The following ENTPD5 variants were observed in gnomAD, a reference collection of about 807,000 sequenced individuals.
ENTPD5 encodes the protein ectonucleoside triphosphate diphosphohydrolase 5 (inactive).
A neutral mutation model predicts 60.2 loss-of-function variants in ENTPD5; 49 were observed. The observed-to-expected ratio is 0.81, with a 90% CI of 0.65 to 1.03. ENTPD5 has a LOEUF of 1.03. ENTPD5 is among the 50% of genes least tolerant of loss of function. The pLI is 0.00. For missense variants in ENTPD5, 480 were observed against 507.6 expected (o/e 0.95, Z 0.52); for synonymous variants, 187 against 185.4 (o/e 1.01, Z -0.07).
chr14:74,001,755 T>G (rs572087927), intron 3 of ENTPD5, among the ~76,000 whole-genome samples: 2 of 148,066 alleles, frequency 1.4e-5, no homozygotes, highest in South Asian at 4.3e-4. Flanking sequence ...GGCTGAGGTA[T>G]GAGGATCATT....
rs781204013 is a variant in ENTPD5 at position 73,972,923 on chromosome 14, A to G, written c.988T>C (p.Ser330Pro). The change falls in exon 13 of 16, where the codon TCT becomes CCT. Residue 330 changes from serine to proline, a missense_variant. Physicochemically the swap from Ser to Pro is moderately conservative, Grantham distance 74. Transcript: ENST00000334696. ...EVQRGSFYAF[S>P]YYYDRAVDTD... ...TCAACAGCTCGGTCATAATAGTAAG[A>G]GAAAGCATAGAAGGAACCTCTCTGG... 6.2e-7 allele frequency: 1 copy of G among 1,614,236 alleles called. No homozygotes were observed. Among genetic ancestry groups the G allele is most frequent in the South Asian group, 1.1e-5 (1 of 91,088 alleles).
chr14:73,960,459 C>T (rs2056664477), downstream of ENTPD5: 2 of 991,542 alleles, frequency 2.0e-6, no homozygotes, highest in Non-Finnish European at 2.4e-6. Flanking sequence ...GACTCCACTG[C>T]TCTGTAGTAG....
At chr14:73,974,237 T>C (rs1424760335) in intron 11 of ENTPD5, among the ~76,000 whole-genome samples, 1 of 152,168 alleles carries the variant, frequency 6.6e-6, no homozygotes, top group Non-Finnish European at 1.5e-5. Context: ...GTCCATGGCT[T>C]TCATCACATC....
At chr14:73,993,951 CAG>C (rs1187848323) in intron 3 of ENTPD5, among the ~76,000 whole-genome samples, 2 of 151,216 alleles carry the variant, frequency 1.3e-5, no homozygotes, top group Non-Finnish European at 1.5e-5. Context: ...AAAAACCCTG[CAG>C]AGTCATACTA....
At chr14:73,967,739 G>A (rs1284839423) in intron 15 of ENTPD5, among the ~76,000 whole-genome samples, 2 of 147,076 alleles carry the variant, frequency 1.4e-5, no homozygotes, top group African/African-American at 5.0e-5. Flanking sequence ...GGCAGAGGTT[G>A]CAGTGAACTG....
chr14:74,016,975 C>G (rs149955937), intron 1 of ENTPD5, among the ~76,000 whole-genome samples: 3 of 152,272 alleles, frequency 2.0e-5, no homozygotes, highest in African/African-American at 7.2e-5. Context: ...ATGGCGATTC[C>G]GCCTATGGAC....
chr14:73,988,332 G>A (rs1335957916), intron 3 of ENTPD5, among the ~76,000 whole-genome samples, 160 bp from the exon 4 acceptor site: 3 of 152,144 alleles, frequency 2.0e-5, no homozygotes, highest in African/African-American at 4.8e-5. Flanking sequence ...CACCTTTTCC[G>A]AAGGGTATCT....
chr14:74,013,391 G>A (rs1291046530), intron 2 of ENTPD5, among the ~76,000 whole-genome samples: 1 of 152,154 alleles, frequency 6.6e-6, no homozygotes, highest in Non-Finnish European at 1.5e-5. Context: ...GCCAAGCTTA[G>A]TCAAAACCCA....
intron 3 of ENTPD5, among the ~76,000 whole-genome samples, chr14:74,006,710 T>C (rs73301500): frequency 0.079 from 11,944 of 151,766 alleles, 618 homozygotes; most frequent in South Asian, 0.26. Context: ...CTTAGCCTCC[T>C]GACTAGCTAG....
At chr14:74,012,505 C>T (rs2058878420) in intron 2 of ENTPD5, among the ~76,000 whole-genome samples, 1 of 152,164 alleles carries the variant, frequency 6.6e-6, no homozygotes, top group Admixed American at 6.6e-5. Context: ...ATACATAAAT[C>T]TCATCACTCT....
chr14:74,000,398 T>C (rs2058471180), intron 3 of ENTPD5, among the ~76,000 whole-genome samples: 1 of 149,752 alleles, frequency 6.7e-6, no homozygotes, highest in Non-Finnish European at 1.5e-5. Context: ...AGGTGGAGGT[T>C]GCTGTGAGTT....
At position 73,988,123 on chromosome 14, in the gene ENTPD5, G is replaced by A; in HGVS notation, c.-21C>T. The stretch of plus-strand genomic sequence containing the variant: ...GCCATTCTTTTCCCAAGATGTGGCT[G>A]GGTGGAGGCTTTTGTTGCAGAAGCA... On this transcript the variant is annotated 5_prime_UTR_variant, in exon 4 of 16. Coordinates refer to ENST00000334696, the MANE Select transcript of ENTPD5 (RefSeq NM_001249.5). 1 of 1,593,606 alleles carries A rather than the reference G, an allele frequency of 6.3e-7. No individual in the cohort carries two copies. Among genetic ancestry groups the A allele is most frequent in the Non-Finnish European group, 8.5e-7 (1 of 1,169,956 alleles).
intron 3 of ENTPD5, among the ~76,000 whole-genome samples, chr14:73,999,767 G>T (rs1180814230): frequency 6.6e-6 from 1 of 151,482 alleles, no homozygotes; most frequent in Non-Finnish European, 1.5e-5. Context: ...ACTCTAGACT[G>T]GGCAACAGGG....
At chr14:73,987,336 A>G (rs991040275) in intron 4 of ENTPD5, among the ~76,000 whole-genome samples, 2 of 152,206 alleles carry the variant, frequency 1.3e-5, no homozygotes, top group Non-Finnish European at 1.5e-5. Flanking sequence ...CTTTTTGAAC[A>G]CATGGGTTTC....
chr14:74,017,386 C>T (rs1338688495), intron 1 of ENTPD5, among the ~76,000 whole-genome samples: 1 of 150,742 alleles, frequency 6.6e-6, no homozygotes, highest in Non-Finnish European at 1.5e-5. Context: ...TTTACGCCAG[C>T]CTGACCAACA....
chr14:74,014,671 C>T (rs1404494077), intron 2 of ENTPD5, among the ~76,000 whole-genome samples: 3 of 151,888 alleles, frequency 2.0e-5, no homozygotes, highest in Non-Finnish European at 2.9e-5. Flanking sequence ...AATCCTTGAC[C>T]GCCAGGATTT....
chr14:73,960,006 A>G, downstream of ENTPD5: 1 of 1,031,974 alleles, frequency 9.7e-7, no homozygotes, highest in Non-Finnish European at 1.2e-6. Context: ...AATAAATAAT[A>G]ACCTTTTGAG....
At position 73,966,654 on chromosome 14, in the gene ENTPD5, C is replaced by T. The variant is rs1259471348; in HGVS notation, c.*274G>A. ...CTCAAAGGGTTGAAATGCGATTTTT[C>T]TTTGGTTTCCAGGGACCTGTCCCTG... is the stretch of plus-strand genomic sequence containing the variant. On this transcript the variant is annotated 3_prime_UTR_variant, in exon 16 of 16. Transcript: ENST00000334696. 1.5e-5 allele frequency: 5 copies of T among 343,024 alleles called. No individual in the cohort carries two copies. Among genetic ancestry groups the T allele is most frequent in the Middle Eastern group, 1.7e-3 (2 of 1,194 alleles). 21.2% of individuals were successfully genotyped at this position (343,024 alleles called of 1,614,324 possible).
At chr14:73,973,151 G>T in intron 12 of ENTPD5, 127 bp from the exon 13 acceptor site, 1 of 1,156,268 alleles carries the variant, frequency 8.6e-7, no homozygotes, top group Non-Finnish European at 1.2e-6. Flanking sequence ...AGAAGGCTGA[G>T]GCTTGGGACA....
Sources: gnomAD v4.1 joint callset for allele counts (sites outside exome capture counted in the v4.1 genomes callset) on GRCh38, gnomAD v4.1.1 for gene constraint, MANE v1.5 for transcripts, NCBI Gene and HGNC (gene_info 2026-07-23, HGNC 2026-07-21) for gene names.